Variants in MAP3K15 observed in about 807,000 individuals in gnomAD.
MAP3K15 encodes MAPK/ERK kinase kinase 15.
In MAP3K15, 124 loss-of-function variants were observed where a neutral mutation model predicts 99.5. The observed-to-expected ratio is 1.25, with a 90% CI of 1.08 to 1.45. The LOEUF (loss-of-function observed/expected upper bound fraction) is 1.45, where lower values mean the gene tolerates loss of function less well. MAP3K15 is among the 40% of genes most tolerant of loss of function. MAP3K15 has a pLI of 0.00. For synonymous variants in MAP3K15, 494 were observed against 439.6 expected, an observed-to-expected ratio of 1.12 and a Z score of -1.55; for missense variants, 1,242 against 1,079.7, an observed-to-expected ratio of 1.15 and a Z score of -2.11.
intron 2 of MAP3K15, 71 bp from the exon 3 acceptor site, chrX:19,486,576 C>G (rs1276603390): frequency 2.2e-6 from 1 of 445,360 alleles, no homozygotes; most frequent in African/African-American, 2.5e-5. Flanking sequence ...TTAGCCAGCA[C>G]TCCCCTCTAT....
In MAP3K15 at chrX:19,464,331, C is replaced by A. The variant is rs1246073858; in HGVS notation, c.601G>T (p.Ala201Ser). ...ATGTACTCGGAGGCTCGTCTCTGGG[C>A]ATCACTCTCGCAGCAAAAATAATCA... ...CADYFCCESD[A>S]QRRASEYMQP... The change falls in exon 4 of 29, where the codon GCC becomes TCC. Residue 201 changes from alanine to serine, a missense_variant. By Grantham distance (99) the Ala-to-Ser change is moderately conservative. Coordinates refer to ENST00000338883, the MANE Select transcript of MAP3K15 (RefSeq NM_001001671.4). 1 of 1,196,749 alleles carries A rather than the reference C, an allele frequency of 8.4e-7. No individual in the cohort carries two copies. The highest frequency in any genetic ancestry group is 1.1e-6 in the Non-Finnish European group (1 of 893,915).
chrX:19,458,009 G>A (rs2064106339), intron 5 of MAP3K15, among the ~76,000 whole-genome samples: 1 of 112,217 alleles, frequency 8.9e-6, no homozygotes, highest in South Asian at 3.7e-4. Context: ...TTGCGACCAT[G>A]CTTGTCTCAG....
At chrX:19,417,385 C>A (rs1384802305) in intron 9 of MAP3K15, among the ~76,000 whole-genome samples, 2 of 112,239 alleles carry the variant, frequency 1.8e-5, no homozygotes, top group Admixed American at 1.9e-4. Context: ...AAATGGCACA[C>A]CAGGAGATTA....
chrX:19,486,052 G>A (rs1045997220), intron 3 of MAP3K15, among the ~76,000 whole-genome samples: 1 of 111,668 alleles, frequency 9.0e-6, no homozygotes, highest in African/African-American at 3.3e-5. Context: ...TCCGTTTGTG[G>A]CAAGAAACTT....
At chrX:19,458,407 G>A (rs144151699) in intron 5 of MAP3K15, among the ~76,000 whole-genome samples, 2,024 of 112,285 alleles carry the variant, frequency 0.018, 45 homozygotes, top group African/African-American at 0.063. Flanking sequence ...GGCCAGGCAC[G>A]GTGGCTCACG....
intron 3 of MAP3K15, among the ~76,000 whole-genome samples, chrX:19,483,019 C>T (rs983808690): frequency 2.7e-5 from 3 of 109,387 alleles, no homozygotes; most frequent in African/African-American, 6.7e-5. Flanking sequence ...GAGGCCAACG[C>T]GGGCGGATCA....
At chrX:19,479,060 G>A (rs1233736486) in intron 3 of MAP3K15, among the ~76,000 whole-genome samples, 10 of 111,424 alleles carry the variant, frequency 9.0e-5, no homozygotes, top group African/African-American at 3.3e-4. Context: ...CCTTGGAAAT[G>A]TATTTCTTAG....
chrX:19,402,845 T>C (rs1442685377), intron 13 of MAP3K15, among the ~76,000 whole-genome samples: 3 of 111,143 alleles, frequency 2.7e-5, no homozygotes, highest in African/African-American at 9.8e-5. Flanking sequence ...TTTTATTTTT[T>C]GTAGAGACGA....
intron 1 of MAP3K15, among the ~76,000 whole-genome samples, chrX:19,499,391 C>T (rs1699915455): frequency 8.9e-6 from 1 of 112,174 alleles, no homozygotes; most frequent in South Asian, 3.7e-4. Context: ...CTTCAACACA[C>T]ACTTAACCCT....
At chrX:19,392,665 A>G (rs191100291) in intron 16 of MAP3K15, among the ~76,000 whole-genome samples, 192 bp from the exon 17 acceptor site, 104 of 111,985 alleles carry the variant, frequency 9.3e-4, no homozygotes, top group African/African-American at 3.2e-3. Flanking sequence ...AATTGAGCAC[A>G]TGAACCTAAC....
rs746041327 is a variant in MAP3K15 at position 19,456,925 on chromosome X, A to G, written c.983T>C (p.Phe328Ser). 1.7e-6 allele frequency: 2 copies of G among 1,192,669 alleles called. No individual in the cohort carries two copies. The highest frequency in any genetic ancestry group is 2.2e-6 in the Non-Finnish European group (2 of 888,940). ...TTATCGTTCTTACCTATTCAGTGCA[A>G]ACGCATAGTGGAATTTAATGTTATG... ...DQHNIKFHYAFALNRRNSTGD... is the reference protein window; with the variant it reads ...DQHNIKFHYASALNRRNSTGD... Residue 328 changes from phenylalanine to serine, a missense_variant, in exon 6 of 29, where the codon TTT (phenylalanine) becomes TCT (serine). Coordinates refer to ENST00000338883, the MANE Select transcript of MAP3K15 (RefSeq NM_001001671.4).
At chrX:19,392,541 G>A (rs2063535333) in intron 16 of MAP3K15, 68 bp from the exon 17 acceptor site, 2 of 1,097,113 alleles carry the variant, frequency 1.8e-6, no homozygotes, top group African/African-American at 1.8e-5. Context: ...GGGAAATAAA[G>A]TGAGGTGAGG....
intron 1 of MAP3K15, among the ~76,000 whole-genome samples, chrX:19,495,415 G>A (rs1291487548): frequency 8.9e-6 from 1 of 112,016 alleles, no homozygotes; most frequent in Non-Finnish European, 1.9e-5. Context: ...CATAGTGAGT[G>A]GTACTCGTTG....
Position 19,499,687 on chromosome X carries a change from A to G in MAP3K15, c.362-10720T>C, listed in dbSNP as rs531442427. ...TGCTGAGTGAACAAAGCCAGACACCAAAGAATACATATTGTATGAGACCAT... is the reference window on the plus strand; with the variant it reads ...TGCTGAGTGAACAAAGCCAGACACCGAAGAATACATATTGTATGAGACCAT... On this transcript the variant is annotated intron_variant, in intron 1 of 28. Coordinates refer to ENST00000338883, the MANE Select transcript of MAP3K15 (RefSeq NM_001001671.4). 2.5e-3 allele frequency among the ~76,000 whole-genome samples: 286 copies of G among 112,313 alleles called. 1 individual carries two copies. Among genetic ancestry groups the G allele is most frequent in the South Asian group, 0.017 (45 of 2,708 alleles).
intron 14 of MAP3K15, among the ~76,000 whole-genome samples, chrX:19,398,922 G>T (rs1196407428): frequency 9.0e-6 from 1 of 111,620 alleles, no homozygotes; most frequent in African/African-American, 3.3e-5. Context: ...CCCATCAAAA[G>T]CTGTCACATA....
intron 1 of MAP3K15, among the ~76,000 whole-genome samples, chrX:19,514,178 T>C (rs1417632967): frequency 9.1e-6 from 1 of 110,265 alleles, no homozygotes; most frequent in African/African-American, 3.3e-5. Flanking sequence ...CTGGGAAGCA[T>C]GACACTTCTA....
intron 6 of MAP3K15, among the ~76,000 whole-genome samples, chrX:19,439,974 T>C (rs762171668): frequency 9.0e-6 from 1 of 111,278 alleles, no homozygotes; most frequent in Non-Finnish European, 1.9e-5. Flanking sequence ...TGGGAGGCAC[T>C]GGGGGCAGAG....
chrX:19,367,799 A>C (rs1240487129), intron 25 of MAP3K15, among the ~76,000 whole-genome samples: 1 of 78,922 alleles, frequency 1.3e-5, no homozygotes, highest in Non-Finnish European at 2.2e-5. Flanking sequence ...CCCAGGCTGG[A>C]GTGCAGTGGC....
At chrX:19,489,050 T>TG in intron 1 of MAP3K15, 83 bp from the exon 2 acceptor site, 1 of 894,841 alleles carries the variant, frequency 1.1e-6, no homozygotes, top group Non-Finnish European at 1.6e-6. Context: ...AGTGAGGAGC[T>TG]ATAGCAATGT....
Sources: allele counts gnomAD v4.1 joint callset (sites outside exome capture counted in the v4.1 genomes callset), GRCh38; gene constraint gnomAD v4.1.1; transcripts MANE v1.5; gene names NCBI Gene and HGNC (gene_info 2026-07-23, HGNC 2026-07-21).